RIMBP2: variants seen among roughly 807,000 people sequenced by gnomAD.
RIMBP2 encodes RIMS binding protein 2.
A neutral mutation model predicts 118.6 loss-of-function variants in RIMBP2; 48 were observed. That is an observed-to-expected ratio of 0.40 (90% CI 0.32 to 0.51). RIMBP2 has a LOEUF of 0.51. Ranked by LOEUF, RIMBP2 falls within the 20% of genes least tolerant of loss-of-function variation. The pLI, the probability that RIMBP2 is intolerant of heterozygous loss-of-function variation, is 0.41. For missense variants in RIMBP2, 1,551 were observed against 1,768.3 expected (o/e 0.88, Z 2.20); for synonymous variants, 762 against 742.9 (o/e 1.03, Z -0.42).
In RIMBP2 at chr12:130,688,606, G is replaced by C. The variant is rs561526473; in HGVS notation, c.-352+27616C>G. Among the ~76,000 whole-genome samples, 2 of 151,518 alleles carry C rather than the reference G, an allele frequency of 1.3e-5. No homozygotes were observed. The highest frequency in any genetic ancestry group is 1.3e-4 in the Admixed American group (2 of 15,256). On this transcript the variant is annotated intron_variant, in intron 1 of 22. Transcript: ENST00000690449. The surrounding 1 kb of genome is among the most constrained non-coding windows in gnomAD (Gnocchi z 4.7). ...GACCCTTAGGACTCTGAGCACAGCC[G>C]GCGGGCATTCTCCCAGCCCTGCAGC...
chr12:130,526,545 G>A (rs970805311), intron 2 of RIMBP2, among the ~76,000 whole-genome samples: 2 of 152,172 alleles, frequency 1.3e-5, no homozygotes, highest in Non-Finnish European at 2.9e-5. Flanking sequence ...AAGTCACAGC[G>A]AGTTTGGGTT....
chr12:130,523,284 A>G lies in RIMBP2; in HGVS notation c.-216-5367T>C, dbSNP rs991143797. On this transcript the variant is annotated intron_variant, in intron 2 of 22. Coordinates refer to ENST00000690449, the MANE Select transcript of RIMBP2 (RefSeq NM_001393629.1). This position sits in a 1 kb window ranked among gnomAD's most constrained non-coding sequence, Gnocchi z 4.4. ...GTGAGGACACAGTGAGAAAACAGCC[A>G]TCTGCAAGTCAAGAAGCGGCTCGCA... Among the ~76,000 whole-genome samples, 9 of 152,154 alleles carry G rather than the reference A, an allele frequency of 5.9e-5. No homozygotes were observed. The highest frequency in any genetic ancestry group is 2.2e-4 in the African/African-American group (9 of 41,440).
intron 6 of RIMBP2, among the ~76,000 whole-genome samples, chr12:130,460,575 G>T (rs1316487802): frequency 6.6e-6 from 1 of 152,074 alleles, no homozygotes; most frequent in Non-Finnish European, 1.5e-5. Context: ...CAGCAATATT[G>T]GTATTATTTG....
At chr12:130,644,819 C>T (rs1416214803) in intron 1 of RIMBP2, among the ~76,000 whole-genome samples, 1 of 152,222 alleles carries the variant, frequency 6.6e-6, no homozygotes, top group Non-Finnish European at 1.5e-5. Context: ...AGTCACTGGG[C>T]AAAGCACCCA....
chr12:130,595,693 T>A (rs923822438), intron 2 of RIMBP2, among the ~76,000 whole-genome samples: 1 of 152,160 alleles, frequency 6.6e-6, no homozygotes, highest in Non-Finnish European at 1.5e-5. Flanking sequence ...GCGCGTGCAC[T>A]CACAGCAGAG....
In RIMBP2 at chr12:130,617,265, C is replaced by T. The variant is rs1036182455; in HGVS notation, c.-217+11057G>A. On this transcript the variant is annotated intron_variant, in intron 2 of 22. Transcript: ENST00000690449. The surrounding 1 kb of genome is among the most constrained non-coding windows in gnomAD (Gnocchi z 4.6). ...GGGAACTAGAGCCCAGGCCCACGCC[C>T]TGCAGCTGGGAGCTGCTGGACCAGG... Among the ~76,000 whole-genome samples the T allele has an allele frequency of 1.3e-5, 2 of 152,180 alleles. No homozygotes were observed. Among genetic ancestry groups the T allele is most frequent in the Non-Finnish European group, 2.9e-5 (2 of 68,028 alleles).
chr12:130,569,929 GTT>G (rs1212146179), intron 2 of RIMBP2, among the ~76,000 whole-genome samples: 1 of 152,114 alleles, frequency 6.6e-6, no homozygotes, highest in Non-Finnish European at 1.5e-5. Flanking sequence ...CTACTTAATG[GTT>G]TATATAAATA....
At chr12:130,570,188 C>G (rs1483836589) in intron 2 of RIMBP2, among the ~76,000 whole-genome samples, 1 of 152,080 alleles carries the variant, frequency 6.6e-6, no homozygotes, top group East Asian at 1.9e-4. Context: ...CTTTAGGATG[C>G]CAAGGCAGGA....
intron 20 of RIMBP2, among the ~76,000 whole-genome samples, chr12:130,406,531 G>A (rs2075189425): frequency 6.6e-6 from 1 of 152,230 alleles, no homozygotes; most frequent in South Asian, 2.1e-4. Context: ...TTTAAAGCTA[G>A]TGAAATGGTT....
At chr12:130,435,989 C>T (rs765750906) in intron 13 of RIMBP2, among the ~76,000 whole-genome samples, 12 of 152,166 alleles carry the variant, frequency 7.9e-5, no homozygotes, top group African/African-American at 2.7e-4. Context: ...TGTAGGGTCC[C>T]GGTGAGACCC....
intron 1 of RIMBP2, among the ~76,000 whole-genome samples, chr12:130,649,407 G>C (rs2063128987): frequency 1.3e-5 from 2 of 152,356 alleles, no homozygotes; most frequent in South Asian, 2.1e-4. Context: ...CATCCAGCCA[G>C]TGGGGTACTG....
Position 130,451,306 on chromosome 12 carries a change from G to C in RIMBP2, c.393C>G (p.Ile131Met). 6.2e-7 allele frequency: 1 copy of C among 1,613,976 alleles called. No homozygotes were observed. The highest frequency in any genetic ancestry group is 8.5e-7 in the Non-Finnish European group (1 of 1,179,878). Residue 131 changes from isoleucine (I) to methionine (M), a missense_variant, in exon 8 of 23, where the codon ATC (isoleucine) becomes ATG (methionine). Physicochemically the swap from Ile to Met is conservative, Grantham distance 10. Around this residue, in one of 5 missense-constraint regions of RIMBP2, gnomAD observed 239 missense variants for 256.8 expected, o/e 0.93. Coordinates refer to ENST00000690449, the MANE Select transcript of RIMBP2 (RefSeq NM_001393629.1). Reference sequence around the variant, plus strand: ...GCGGAAGGGGCCGGATATATTCACCGATCGCAGAGCTGCCTCCAATAGCGC... The same window carrying C: ...GCGGAAGGGGCCGGATATATTCACCCATCGCAGAGCTGCCTCCAATAGCGC... Reference protein sequence around the residue: ...QESAIGGSSAIGEYIRPLPQP... With the variant: ...QESAIGGSSAMGEYIRPLPQP...
At position 130,475,464 on chromosome 12, in the gene RIMBP2, T is replaced by G. The variant is rs921874839; in HGVS notation, c.102+3448A>C. On this transcript the variant is annotated intron_variant, in intron 5 of 22. Coordinates refer to ENST00000690449, the MANE Select transcript of RIMBP2 (RefSeq NM_001393629.1). This position sits in a 1 kb window ranked among gnomAD's most constrained non-coding sequence, Gnocchi z 4.1. Reference sequence around the variant, plus strand: ...CACCTGTATTTCAGGAAAAATAAACTCCTGCCTCACATTGCACATCAAGAA... The same window carrying G: ...CACCTGTATTTCAGGAAAAATAAACGCCTGCCTCACATTGCACATCAAGAA... Among the ~76,000 whole-genome samples the G allele has an allele frequency of 3.1e-4, 47 of 152,038 alleles. 1 individual carries two copies. Among genetic ancestry groups the G allele is most frequent in the African/African-American group, 9.7e-4 (40 of 41,380 alleles).
intron 1 of RIMBP2, among the ~76,000 whole-genome samples, chr12:130,686,313 T>C (rs1344860864): frequency 6.6e-6 from 1 of 152,150 alleles, no homozygotes; most frequent in Non-Finnish European, 1.5e-5. Context: ...TCTACCACGC[T>C]TCACTCCCCT....
At chr12:130,615,153 ATAT>A (rs902798770) in intron 2 of RIMBP2, among the ~76,000 whole-genome samples, 5 of 146,584 alleles carry the variant, frequency 3.4e-5, no homozygotes, top group Non-Finnish European at 7.5e-5. Context: ...ATATACATAT[ATAT>A]TATATTGTAT....
rs956218613 is a variant in RIMBP2 at position 130,688,923 on chromosome 12, G to A, written c.-352+27299C>T. Among the ~76,000 whole-genome samples the A allele has an allele frequency of 7.2e-5, 11 of 152,270 alleles. No individual in the cohort carries two copies. The highest frequency in any genetic ancestry group is 1.4e-4 in the African/African-American group (6 of 41,476). ...CACTCTTGCCCAGCAGAACTGGAGC[G>A]AAGGTCGGTCGCAGGCAGCAGAGAA... On this transcript the variant is annotated intron_variant, in intron 1 of 22. Coordinates refer to ENST00000690449, the MANE Select transcript of RIMBP2 (RefSeq NM_001393629.1). This position sits in a 1 kb window ranked among gnomAD's most constrained non-coding sequence, Gnocchi z 4.7.
In RIMBP2 at chr12:130,435,175, A is replaced by G. The variant is rs184764099; in HGVS notation, c.2107-295T>C. Among the ~76,000 whole-genome samples, 336 of 152,120 alleles carry G rather than the reference A, an allele frequency of 2.2e-3. 1 individual carries two copies. The highest frequency in any genetic ancestry group is 0.01 in the Middle Eastern group (3 of 294). On this transcript the variant is annotated intron_variant, in intron 13 of 22. Coordinates refer to ENST00000690449, the MANE Select transcript of RIMBP2 (RefSeq NM_001393629.1). ...ATTCTCCTGCCACAGCCTCCCGAGT[A>G]GCTGAGACTACAAGCATGCACCACC...
intron 4 of RIMBP2, among the ~76,000 whole-genome samples, chr12:130,499,962 T>G (rs925121631): frequency 6.6e-6 from 1 of 152,214 alleles, no homozygotes; most frequent in African/African-American, 2.4e-5. Context: ...ACTTTTATTT[T>G]AGGTTCAGGG....
At chr12:130,633,303 A>G (rs1010414632) in intron 1 of RIMBP2, among the ~76,000 whole-genome samples, 3 of 152,222 alleles carry the variant, frequency 2.0e-5, no homozygotes, top group African/African-American at 4.8e-5. Context: ...AGGAATTTCC[A>G]CTTGAGATTT....
Sources: allele counts gnomAD v4.1 joint callset (sites outside exome capture counted in the v4.1 genomes callset), GRCh38; gene constraint gnomAD v4.1.1; regional missense constraint gnomAD v4.1.1; non-coding constraint Gnocchi (gnomAD v3.1); transcripts MANE v1.5; gene names NCBI Gene and HGNC (gene_info 2026-07-23, HGNC 2026-07-21).